Variants in TECTA observed in about 807,000 individuals in gnomAD.
TECTA encodes alpha-tectorin.
A neutral mutation model predicts 216.8 loss-of-function variants in TECTA; 128 were observed. That is an observed-to-expected ratio of 0.59 (90% CI 0.51 to 0.68). The LOEUF (loss-of-function observed/expected upper bound fraction) is 0.68, where lower values mean the gene tolerates loss of function less well. Among genes scored for constraint, TECTA ranks in the 30% least tolerant of loss-of-function variants. The probability of loss-of-function intolerance (pLI) is 0.00; values close to 1 mark genes in which losing one functional copy is unlikely to be tolerated. For missense variants in TECTA, 2,551 were observed against 2,786.2 expected (o/e 0.92, Z 1.90); for synonymous variants, 1,089 against 1,117.1 (o/e 0.97, Z 0.50).
At chr11:121,169,004 G>A (rs1591464733) in intron 20 of TECTA, 79 bp downstream of exon 20, 1 of 1,609,054 alleles carries the variant, frequency 6.2e-7, no homozygotes, top group East Asian at 2.2e-5. Flanking sequence ...GGAAGGGAAT[G>A]GAAACTAATA....
chr11:121,152,534 C>T (rs1042202978), intron 12 of TECTA, among the ~76,000 whole-genome samples: 3 of 152,106 alleles, frequency 2.0e-5, no homozygotes, highest in Admixed American at 6.5e-5. Flanking sequence ...AGTGTGGGTG[C>T]CCTGGGAGGT....
intron 20 of TECTA, among the ~76,000 whole-genome samples, chr11:121,182,598 C>A (rs1239474575): frequency 1.3e-5 from 2 of 152,042 alleles, no homozygotes; most frequent in African/African-American, 4.8e-5. Flanking sequence ...CCCAAGCCCC[C>A]GATGGTGCAT....
At chr11:121,163,731 G>C (rs550306324) in intron 16 of TECTA, among the ~76,000 whole-genome samples, 7 of 152,122 alleles carry the variant, frequency 4.6e-5, no homozygotes, top group African/African-American at 1.4e-4. Flanking sequence ...TCTATCTAAG[G>C]GCATGTCTTA....
At chr11:121,134,465 A>C (rs1165183924) in intron 10 of TECTA, among the ~76,000 whole-genome samples, 1 of 152,054 alleles carries the variant, frequency 6.6e-6, no homozygotes, top group African/African-American at 2.4e-5. Flanking sequence ...GCCCCCGGGG[A>C]GGGACTAATA....
intron 14 of TECTA, among the ~76,000 whole-genome samples, chr11:121,159,430 G>A (rs781446672): frequency 1.3e-5 from 2 of 152,144 alleles, no homozygotes; most frequent in Non-Finnish European, 2.9e-5. Context: ...TGAAAAAGGT[G>A]CCTACTTTTT....
At chr11:121,108,457 C>A (rs1275136389) in intron 3 of TECTA, among the ~76,000 whole-genome samples, 1 of 133,078 alleles carries the variant, frequency 7.5e-6, no homozygotes, top group Non-Finnish European at 1.7e-5. Context: ...ACACACCCCA[C>A]CCCTAGTACA....
At chr11:121,181,926 G>T (rs2134209883) in intron 20 of TECTA, among the ~76,000 whole-genome samples, 1 of 152,306 alleles carries the variant, frequency 6.6e-6, no homozygotes, top group South Asian at 2.1e-4. Context: ...TATAGTGTTG[G>T]TTGGGTTTGA....
intron 15 of TECTA, 125 bp downstream of exon 15, chr11:121,160,546 A>G (rs758889436): frequency 8.9e-6 from 12 of 1,352,346 alleles, no homozygotes; most frequent in Non-Finnish European, 1.2e-5. Context: ...GACGAGCCAA[A>G]GCTCTTTGGA....
intron 21 of TECTA, among the ~76,000 whole-genome samples, chr11:121,188,529 C>T (rs1440101868): frequency 6.6e-6 from 1 of 152,176 alleles, no homozygotes; most frequent in Non-Finnish European, 1.5e-5. Flanking sequence ...TGCATCACAC[C>T]TGATCTACAT....
Position 121,145,668 on chromosome 11 carries a change from T to C in TECTA, c.3657T>C (p.Tyr1219=). 1.2e-6 allele frequency: 2 copies of C among 1,614,244 alleles called. No individual in the cohort carries two copies. The highest frequency in any genetic ancestry group is 1.7e-6 in the Non-Finnish European group (2 of 1,180,036). The change falls in exon 12 of 24, where the codon TAT becomes TAC. Residue 1219 remains tyrosine, a synonymous_variant. Coordinates refer to ENST00000392793, the MANE Select transcript of TECTA (RefSeq NM_005422.4). Reference sequence around the variant, plus strand: ...CTGATTTTGGCCTGAAGGTTGTATATGACTGGAAGACCTTCCTGTCCATCA... The same window carrying C: ...CTGATTTTGGCCTGAAGGTTGTATACGACTGGAAGACCTTCCTGTCCATCA... ...VETDFGLKVV[Y]DWKTFLSITV... is the part of the protein sequence containing the mutation.
intron 7 of TECTA, among the ~76,000 whole-genome samples, chr11:121,119,764 G>A (rs1419295448): frequency 6.6e-6 from 1 of 152,220 alleles, no homozygotes; most frequent in Admixed American, 6.5e-5. Flanking sequence ...GGCAGGGCCA[G>A]GGAACTAATT....
At position 121,145,724 on chromosome 11, in the gene TECTA, A is replaced by G. The variant is rs531328247; in HGVS notation, c.3713A>G (p.Tyr1238Cys). ...TVPRSMQNST[Y>C]GLCGRYNGNP... ...CCTCGGAGCATGCAGAACAGCACCT[A>G]TGGTCTGTGTGGCCGCTACAACGGC... is the stretch of plus-strand genomic sequence containing the variant. Residue 1238 changes from tyrosine to cysteine, a missense_variant, in exon 12 of 24, where the codon TAT (tyrosine) becomes TGT (cysteine). Transcript: ENST00000392793. The G allele has an allele frequency of 2.5e-6, 4 of 1,614,208 alleles. No individual in the cohort carries two copies. Among genetic ancestry groups the G allele is most frequent in the East Asian group, 2.2e-5 (1 of 44,890 alleles).
intron 12 of TECTA, among the ~76,000 whole-genome samples, chr11:121,147,465 G>A (rs1409185658): frequency 6.6e-6 from 1 of 152,172 alleles, no homozygotes; most frequent in Non-Finnish European, 1.5e-5. Flanking sequence ...CCCTGAGTGG[G>A]TGAGGCCAGG....
intron 6 of TECTA, among the ~76,000 whole-genome samples, chr11:121,117,902 GT>G (rs1946515920): frequency 6.6e-6 from 1 of 152,214 alleles, no homozygotes; most frequent in Admixed American, 6.5e-5. Flanking sequence ...AACAGTGAGT[GT>G]TGCCGAGTAA....
At chr11:121,180,071 A>G (rs1947211262) in intron 20 of TECTA, among the ~76,000 whole-genome samples, 1 of 150,324 alleles carries the variant, frequency 6.7e-6, no homozygotes, top group Non-Finnish European at 1.5e-5. Context: ...GTGAGAAGTT[A>G]TTCCTGTCAT....
At chr11:121,182,318 G>T (rs1385643263) in intron 20 of TECTA, among the ~76,000 whole-genome samples, 2 of 151,978 alleles carry the variant, frequency 1.3e-5, no homozygotes, top group Non-Finnish European at 2.9e-5. Flanking sequence ...AGCTTCACAT[G>T]GGAGTGCCAG....
Position 121,137,874 on chromosome 11 carries a change from G to C in TECTA, c.3395G>C (p.Arg1132Thr), listed in dbSNP as rs746919409. The part of the protein sequence containing the change: ...CPLILCTTGS[R>T]PSSDSFPKFV... Reference sequence around the variant, plus strand: ...CTCATCCTGTGCACCACAGGAAGCAGGCCAAGCTCAGACTCTTTCCCCAAG... The same window carrying C: ...CTCATCCTGTGCACCACAGGAAGCACGCCAAGCTCAGACTCTTTCCCCAAG... Residue 1132 changes from arginine to threonine, a missense_variant, in exon 11 of 24, where the codon AGG becomes ACG. Physicochemically the swap from Arg to Thr is moderately conservative, Grantham distance 71. Coordinates refer to ENST00000392793, the MANE Select transcript of TECTA (RefSeq NM_005422.4). The C allele has an allele frequency of 4.4e-6, 7 of 1,604,290 alleles. No individual in the cohort carries two copies. In the South Asian group the frequency reaches 7.7e-5, roughly 18 times the overall value.
rs1383340832 is a variant in TECTA, at chr11:121,160,424, G to A, written c.4976+3G>A. On this transcript the variant is annotated splice_donor_region_variant and intron_variant, in intron 15 of 23. Transcript: ENST00000392793. ...AAAACCAATGGCATGCAGAAGAGGT[G>A]AGGGTGTAGGAGTTCAAGCCACTAG... The A allele has an allele frequency of 4.4e-6, 7 of 1,608,230 alleles. No homozygotes were observed. The South Asian group carries it at 4.4e-5, about 10-fold the overall frequency.
In TECTA at chr11:121,162,183, C is replaced by T. The variant is rs756875239; in HGVS notation, c.5085C>T (p.Thr1695=). 20 of 1,614,170 alleles carry T rather than the reference C, an allele frequency of 1.2e-5. No homozygotes were observed. The highest frequency in any genetic ancestry group is 2.2e-5 in the East Asian group (1 of 44,876). Residue 1695 remains threonine (T), a synonymous_variant, in exon 16 of 24, where the codon ACC becomes ACT. Transcript: ENST00000392793. ...GTGATGGCTACTGCCTGAAGCTCAC[C>T]GACATGAAGGGCTTCTTCCAGCCCT... The part of the protein sequence containing the change: ...MQGDGYCLKL[T]DMKGFFQPCY...
Sources: allele counts gnomAD v4.1 joint callset (sites outside exome capture counted in the v4.1 genomes callset), GRCh38; gene constraint gnomAD v4.1.1; transcripts MANE v1.5; gene names NCBI Gene and HGNC (gene_info 2026-07-23, HGNC 2026-07-21).